ENAH: variants seen among roughly 807,000 people sequenced by gnomAD.
The protein encoded by ENAH is protein enabled homolog.
ENAH carries 23 observed loss-of-function variants against 78.7 expected under a neutral mutation model. That is an observed-to-expected ratio of 0.29 (90% confidence interval 0.21 to 0.41). ENAH has a LOEUF of 0.41. Ranked by LOEUF, ENAH falls within the 10% of genes least tolerant of loss-of-function variation. ENAH has a pLI of 1.00. For synonymous variants in ENAH, 226 were observed against 241.0 expected, an observed-to-expected ratio of 0.94 and a Z score of 0.58; for missense variants, 544 against 691.0, an observed-to-expected ratio of 0.79 and a Z score of 2.39.
rs554977125 is a variant in ENAH at position 225,519,546 on chromosome 1, G to T, written c.454C>A (p.Arg152=). 1.9e-6 allele frequency: 3 copies of T among 1,604,664 alleles called. No individual in the cohort carries two copies. The highest frequency in any genetic ancestry group is 2.2e-5 in the East Asian group (1 of 44,718). ...IQRRQLQEQQ[R]QKELERERLE... Reference sequence around the variant, plus strand: ...CTTTCCCGCTCCAGCTCCTTTTGCCGTTGCTGTTCTTGTAGTTGTCTGGAA... The same window carrying T: ...CTTTCCCGCTCCAGCTCCTTTTGCCTTTGCTGTTCTTGTAGTTGTCTGGAA... The change falls in exon 5 of 14, where the codon CGG becomes AGG. Residue 152 remains arginine, a synonymous_variant. Transcript: ENST00000366843.
In ENAH at chr1:225,487,161, TCA is replaced by T. The variant is rs1193218492; in HGVS notation, c.*10612_*10613del. On this transcript the variant is annotated 3_prime_UTR_variant, in exon 14 of 14. Coordinates refer to ENST00000366843, the MANE Select transcript of ENAH (RefSeq NM_018212.6). ...ATGGTTACATGAAATTGCATGCAAT[TCA>T]CACAGAGAATCATTTTGAAGGCACT... The T allele has an allele frequency of 3.3e-5, 5 of 152,284 alleles. No individual in the cohort carries two copies. In the East Asian group the frequency reaches 7.7e-4, roughly 23 times the overall value. The allele number at this position is 152,284 out of a possible 1,614,324, so 9.4% of individuals were successfully genotyped here.
chr1:225,511,581 T>G (rs1352342890), intron 10 of ENAH, among the ~76,000 whole-genome samples: 1 of 152,192 alleles, frequency 6.6e-6, no homozygotes, highest in Non-Finnish European at 1.5e-5. Flanking sequence ...AAAATACTCT[T>G]GTCATCTAAT....
At chr1:225,545,762 C>T (rs2096609864) in intron 3 of ENAH, among the ~76,000 whole-genome samples, 1 of 152,128 alleles carries the variant, frequency 6.6e-6, no homozygotes. Context: ...CCATGGACCA[C>T]ACTTTTTGAA....
chr1:225,488,954 G>A lies in ENAH; in HGVS notation c.*8821C>T, dbSNP rs1039467149. 6.6e-6 allele frequency: 1 copy of A among 152,192 alleles called. No individual in the cohort carries two copies. Among genetic ancestry groups the A allele is most frequent in the African/African-American group, 2.4e-5 (1 of 41,434 alleles). The allele number at this position is 152,192 out of a possible 1,614,324, so 9.4% of individuals were successfully genotyped here. ...GGGAACTCGGAAGGAATGACTACATGGATATAGATGGATAAGATGGAAGAT... is the reference window on the plus strand; with the variant it reads ...GGGAACTCGGAAGGAATGACTACATAGATATAGATGGATAAGATGGAAGAT... On this transcript the variant is annotated 3_prime_UTR_variant, in exon 14 of 14. Transcript: ENST00000366843.
rs2096211068 is a variant in ENAH, at chr1:225,488,998, G to A, written c.*8777C>T. ...GGAAGATATAAAATAAGAAGGGCAG[G>A]AGGGTAAGATTATTCCTTTTTTCCT... On this transcript the variant is annotated 3_prime_UTR_variant, in exon 14 of 14. Coordinates refer to ENST00000366843, the MANE Select transcript of ENAH (RefSeq NM_018212.6). The A allele has an allele frequency of 6.6e-6, 1 of 152,234 alleles. No individual in the cohort carries two copies. The highest frequency in any genetic ancestry group is 2.1e-4 in the South Asian group (1 of 4,832). 9.4% of individuals were successfully genotyped at this position (152,234 alleles called of 1,614,324 possible). A position where few individuals can be genotyped will look rare whatever the true frequency, so the allele number is the denominator to read the frequency against.
rs1251438802 is a variant in ENAH at position 225,519,521 on chromosome 1, C to T, written c.479G>A (p.Arg160Lys). The T allele has an allele frequency of 2.5e-6, 4 of 1,612,310 alleles. No individual in the cohort carries two copies. Among genetic ancestry groups the T allele is most frequent in the South Asian group, 1.1e-5 (1 of 91,058 alleles). Residue 160 changes from arginine to lysine, a missense_variant, in exon 5 of 14, where the codon AGG (arginine) becomes AAG (lysine). By Grantham distance (26) the Arg-to-Lys change is conservative (BLOSUM62 2). Coordinates refer to ENST00000366843, the MANE Select transcript of ENAH (RefSeq NM_018212.6). ...QQRQKELERE[R>K]LERERMERER... Reference sequence around the variant, plus strand: ...TCTTTCCATTCTTTCTCGCTCCAGCCTTTCCCGCTCCAGCTCCTTTTGCCG... The same window carrying T: ...TCTTTCCATTCTTTCTCGCTCCAGCTTTTCCCGCTCCAGCTCCTTTTGCCG...
intron 10 of ENAH, 71 bp downstream of exon 10, chr1:225,511,740 G>C: frequency 8.9e-7 from 1 of 1,124,276 alleles, no homozygotes; most frequent in Non-Finnish European, 1.3e-6. Flanking sequence ...GGGAAAGGGG[G>C]AATTTTTAAC....
chr1:225,573,098 C>T (rs1434491534), intron 1 of ENAH, among the ~76,000 whole-genome samples: 2 of 152,110 alleles, frequency 1.3e-5, no homozygotes, highest in Admixed American at 6.6e-5. Context: ...GAAGCGCTTC[C>T]TGGTATTTAA....
chr1:225,609,795 C>G (rs2096978158), intron 1 of ENAH, among the ~76,000 whole-genome samples: 1 of 145,130 alleles, frequency 6.9e-6, no homozygotes, highest in Non-Finnish European at 1.5e-5. Flanking sequence ...TCCTGAGTAT[C>G]TGGGAGCACA....
intron 1 of ENAH, among the ~76,000 whole-genome samples, chr1:225,639,703 T>TAA (rs1330460035): frequency 5.1e-5 from 5 of 97,666 alleles, no homozygotes; most frequent in Non-Finnish European, 7.9e-5. Context: ...ATGGCGGGAT[T>TAA]AAACACACAC....
intron 1 of ENAH, among the ~76,000 whole-genome samples, chr1:225,594,123 A>G (rs142297269): frequency 6.6e-6 from 1 of 152,330 alleles, no homozygotes; most frequent in Non-Finnish European, 1.5e-5. Context: ...CTTGAGAACC[A>G]TTCACATTGC....
intron 1 of ENAH, among the ~76,000 whole-genome samples, chr1:225,593,557 T>C (rs2096888620): frequency 6.6e-6 from 1 of 152,264 alleles, no homozygotes; most frequent in African/African-American, 2.4e-5. Context: ...TGTCACGCAG[T>C]TGACACTACC....
intron 4 of ENAH, among the ~76,000 whole-genome samples, chr1:225,521,557 C>G (rs1416995627): frequency 1.3e-5 from 2 of 150,410 alleles, no homozygotes; most frequent in Non-Finnish European, 2.9e-5. Context: ...AGGAGGATCA[C>G]TTGAACCCGG....
chr1:225,648,131 A>T (rs923159661), intron 1 of ENAH, among the ~76,000 whole-genome samples: 18 of 152,146 alleles, frequency 1.2e-4, no homozygotes, highest in African/African-American at 4.1e-4. Flanking sequence ...GCATCCACTG[A>T]AGTACAGCCT....
chr1:225,513,293 G>A (rs561364767), intron 7 of ENAH, among the ~76,000 whole-genome samples: 7 of 152,074 alleles, frequency 4.6e-5, no homozygotes, highest in Non-Finnish European at 8.8e-5. Context: ...TAATATTCCT[G>A]CTAAAACAAC....
chr1:225,504,249 T>G (rs1173070114), intron 11 of ENAH, among the ~76,000 whole-genome samples: 1 of 152,094 alleles, frequency 6.6e-6, no homozygotes. Context: ...CCCCAAATGA[T>G]CCTCCAGCCT....
intron 2 of ENAH, among the ~76,000 whole-genome samples, chr1:225,566,655 T>A (rs757258251): frequency 2.0e-4 from 31 of 152,220 alleles, no homozygotes; most frequent in Middle Eastern, 3.2e-3. Flanking sequence ...TGCCTTTTCC[T>A]CTATCTACTG....
At chr1:225,599,164 T>C (rs190352402) in intron 1 of ENAH, among the ~76,000 whole-genome samples, 1 of 152,060 alleles carries the variant, frequency 6.6e-6, no homozygotes, top group Non-Finnish European at 1.5e-5. Flanking sequence ...AAATGAAACA[T>C]ATCAAAGAGA....
At chr1:225,615,738 C>T (rs2097026141) in intron 1 of ENAH, among the ~76,000 whole-genome samples, 1 of 151,080 alleles carries the variant, frequency 6.6e-6, no homozygotes, top group African/African-American at 2.4e-5. Context: ...GACCGCCACC[C>T]CGTCTGGGAG....
Sources: allele counts gnomAD v4.1 joint callset (sites outside exome capture counted in the v4.1 genomes callset), GRCh38; gene constraint gnomAD v4.1.1; transcripts MANE v1.5; gene names NCBI Gene and HGNC (gene_info 2026-07-23, HGNC 2026-07-21).